The following INO80 variants were observed in gnomAD, a reference collection of about 807,000 sequenced individuals.
INO80 encodes the protein INO80 complex ATPase subunit.
In INO80, 20 loss-of-function variants were observed where a neutral mutation model predicts 203.4. The observed-to-expected ratio is 0.10, with a 90% CI of 0.07 to 0.14. The LOEUF is 0.14. INO80 is among the 10% of genes least tolerant of loss of function. The pLI is 1.00. For missense variants in INO80, 1,419 were observed against 1,914.4 expected (o/e 0.74, Z 4.83); for synonymous variants, 726 against 685.2 (o/e 1.06, Z -0.93).
intron 31 of INO80, 114 bp from the exon 32 acceptor site, chr15:40,985,540 T>C: frequency 1.2e-6 from 1 of 813,874 alleles, no homozygotes; most frequent in Non-Finnish European, 2.1e-6. Context: ...ATCACTTCTA[T>C]CTGTTTAAGG....
intron 18 of INO80, 57 bp from the exon 19 acceptor site, chr15:41,054,071 G>T (rs1239598279): frequency 7.4e-7 from 1 of 1,356,582 alleles, no homozygotes; most frequent in Non-Finnish European, 1.0e-6. Context: ...AAAAACAACA[G>T]AAACAAATAC....
At chr15:41,051,202 C>CCTCACATA (rs2140533031) in intron 19 of INO80, among the ~76,000 whole-genome samples, 1 of 151,296 alleles carries the variant, frequency 6.6e-6, no homozygotes, top group Non-Finnish European at 1.5e-5. Context: ...ATCATAACCT[C>CCTCACATA]CTCACATACC....
intron 29 of INO80, among the ~76,000 whole-genome samples, chr15:40,988,619 C>T (rs2043773660): frequency 1.3e-5 from 2 of 151,988 alleles, no homozygotes; most frequent in Non-Finnish European, 2.9e-5. Flanking sequence ...GTGGCTCACA[C>T]CTGTAATCCC....
chr15:41,045,661 G>A (rs1480338491), intron 23 of INO80, among the ~76,000 whole-genome samples: 1 of 151,576 alleles, frequency 6.6e-6, no homozygotes, highest in East Asian at 1.9e-4. Context: ...GGGAGAATGA[G>A]ACAGGCAGAT....
At chr15:41,058,575 G>A (rs1411739235) in intron 16 of INO80, 64 bp downstream of exon 16, 1 of 1,030,488 alleles carries the variant, frequency 9.7e-7, no homozygotes, top group South Asian at 1.7e-5. Context: ...GTGTGCGTGT[G>A]TGTGTGTGTG....
At chr15:41,021,436 C>T (rs1455980824) in intron 25 of INO80, among the ~76,000 whole-genome samples, 1 of 152,182 alleles carries the variant, frequency 6.6e-6, no homozygotes, top group Non-Finnish European at 1.5e-5. Flanking sequence ...ATCATTTTGC[C>T]ACCTCCCCTT....
At chr15:41,046,161 CTG>C (rs138869233) in intron 23 of INO80, among the ~76,000 whole-genome samples, 5 of 101,646 alleles carry the variant, frequency 4.9e-5, no homozygotes, top group Non-Finnish European at 6.4e-5. Context: ...GTGTGTGTGT[CTG>C]TGTGTGTGTG....
At chr15:41,036,236 A>G (rs1490942134) in intron 24 of INO80, among the ~76,000 whole-genome samples, 1 of 151,662 alleles carries the variant, frequency 6.6e-6, no homozygotes, top group Non-Finnish European at 1.5e-5. Context: ...GCCAACAGAA[A>G]CAGTGTGAGA....
rs187338591 is a variant in INO80, at chr15:40,995,799, G to A, written c.3570+1730C>T. Among the ~76,000 whole-genome samples, 3 of 152,298 alleles carry A rather than the reference G, an allele frequency of 2.0e-5. No individual in the cohort carries two copies. In the East Asian group the frequency reaches 5.8e-4, roughly 29 times the overall value. The stretch of plus-strand genomic sequence containing the variant: ...CAAGTTTCTACTATCTGATATGGTA[G>A]AAACTATGTGATATGGCTCAAGTGA... On this transcript the variant is annotated intron_variant, in intron 29 of 35. Coordinates refer to ENST00000648947, the MANE Select transcript of INO80 (RefSeq NM_017553.3).
chr15:40,987,165 T>C lies in INO80; in HGVS notation c.3758A>G (p.Asn1253Ser). 16 of 1,612,906 alleles carry C rather than the reference T, an allele frequency of 9.9e-6. No homozygotes were observed. The highest frequency in any genetic ancestry group is 1.3e-5 in the Non-Finnish European group (15 of 1,178,894). ...EIQRMVISGG[N>S]FKPDTLKPKE... ...GGGTTTCAAGGTATCTGGTTTGAAG[T>C]TCCCACCTGAAATCACCATCCGCTG... The change falls in exon 31 of 36, where the codon AAC (asparagine) becomes AGC (serine). Residue 1253 changes from asparagine (N) to serine (S), a missense_variant. Physicochemically the swap from Asn to Ser is conservative, Grantham distance 46. This residue lies in a region of INO80 where 65 missense variants were observed against 186.7 expected (regional missense o/e 0.35). Transcript: ENST00000648947.
chr15:41,021,735 T>C (rs575186518), intron 25 of INO80, among the ~76,000 whole-genome samples: 1 of 152,268 alleles, frequency 6.6e-6, no homozygotes, highest in African/African-American at 2.4e-5. Flanking sequence ...AGGGAAGCAA[T>C]TGCCAGAGAG....
intron 13 of INO80, 79 bp from the exon 14 acceptor site, chr15:41,069,744 C>T: frequency 1.3e-6 from 1 of 784,888 alleles, no homozygotes; most frequent in Non-Finnish European, 2.1e-6. Flanking sequence ...ATGACAAGAA[C>T]AATCTAAGAA....
intron 27 of INO80, among the ~76,000 whole-genome samples, chr15:41,014,677 T>A (rs1054867843): frequency 6.6e-6 from 1 of 152,168 alleles, no homozygotes; most frequent in Non-Finnish European, 1.5e-5. Context: ...AACCTAAGAC[T>A]TAGTGCTGAA....
At chr15:41,064,125 A>G (rs2045166707) in intron 14 of INO80, among the ~76,000 whole-genome samples, 1 of 152,214 alleles carries the variant, frequency 6.6e-6, no homozygotes, top group Non-Finnish European at 1.5e-5. Context: ...AAAGAGCTGA[A>G]CAACTTAACA....
intron 25 of INO80, among the ~76,000 whole-genome samples, chr15:41,022,689 G>C (rs2044312275): frequency 6.6e-6 from 1 of 152,176 alleles, no homozygotes; most frequent in Non-Finnish European, 1.5e-5. Flanking sequence ...CTATGGTCCA[G>C]ATGCAAAACT....
intron 14 of INO80, among the ~76,000 whole-genome samples, chr15:41,064,848 T>C (rs1472773179): frequency 6.6e-6 from 1 of 151,616 alleles, no homozygotes; most frequent in Non-Finnish European, 1.5e-5. Context: ...AATAAAGAAA[T>C]TCACTGGGCA....
chr15:41,035,319 G>A (rs2927065), intron 24 of INO80, among the ~76,000 whole-genome samples: 150,749 of 152,244 alleles, frequency 0.99, 74,656 homozygotes, highest in Middle Eastern at 1. Flanking sequence ...GCTCACACCT[G>A]ATCCTAACAC....
At chr15:41,090,266 G>A (rs768666354) in intron 5 of INO80, among the ~76,000 whole-genome samples, 42 of 152,258 alleles carry the variant, frequency 2.8e-4, no homozygotes, top group Non-Finnish European at 6.0e-4. Flanking sequence ...GTCTAGAATG[G>A]GCACATTTAT....
intron 24 of INO80, among the ~76,000 whole-genome samples, chr15:41,028,221 C>T (rs1206369767): frequency 6.6e-6 from 1 of 152,102 alleles, no homozygotes; most frequent in Admixed American, 6.5e-5. Flanking sequence ...CTGCAACCTC[C>T]ACCTCCCAGA....
Sources: gnomAD v4.1 joint callset for allele counts (sites outside exome capture counted in the v4.1 genomes callset) on GRCh38, gnomAD v4.1.1 for gene constraint, gnomAD v4.1.1 regional missense constraint, MANE v1.5 for transcripts, NCBI Gene and HGNC (gene_info 2026-07-23, HGNC 2026-07-21) for gene names.